Variants in PRP4K observed in about 807,000 individuals in gnomAD.
PRP4K encodes pre-mRNA processing factor kinase PRP4K.
chr6:4,046,518 G>T, the PRP4K span, among the ~76,000 whole-genome samples: 5 of 152,128 alleles, frequency 3.3e-5, no homozygotes, highest in Non-Finnish European at 5.9e-5. Context: ...TAGATCTATA[G>T]TTGAAATATT....
chr6:4,032,384 T>C, the PRP4K span: 1 of 1,613,704 alleles, frequency 6.2e-7, no homozygotes, highest in South Asian at 1.1e-5. Flanking sequence ...GCGATCGAGG[T>C]AAAAAATCCA....
the PRP4K span, chr6:4,061,178 T>G: frequency 6.5e-6 from 1 of 153,138 alleles, no homozygotes; most frequent in South Asian, 2.1e-4. Context: ...CTCTGGTGTT[T>G]TAAGATGTTA....
At chr6:4,060,744 T>A in the PRP4K span, 2 of 837,322 alleles carry the variant, frequency 2.4e-6, no homozygotes, top group Non-Finnish European at 3.7e-6. The surrounding 1 kb of genome is among the most constrained non-coding windows in gnomAD (Gnocchi z 4.7). Flanking sequence ...TATATTTGAA[T>A]TAACACCAAG....
At chr6:4,031,641 C>T in the PRP4K span, 2 of 1,600,766 alleles carry the variant, frequency 1.2e-6, no homozygotes, top group African/African-American at 1.4e-5. Context: ...TAAGCACAGT[C>T]GTCACAAAAA....
the PRP4K span, among the ~76,000 whole-genome samples, chr6:4,054,927 C>G: frequency 1.3e-4 from 20 of 152,336 alleles, no homozygotes; most frequent in Non-Finnish European, 2.6e-4. Flanking sequence ...TTGCCAGTGT[C>G]ACAGAAGAAA....
the PRP4K span, among the ~76,000 whole-genome samples, chr6:4,034,233 C>T: frequency 2.6e-5 from 4 of 152,014 alleles, no homozygotes; most frequent in East Asian, 3.9e-4. Flanking sequence ...AACATTTCTG[C>T]GACAAAACAT....
At chr6:4,040,666 T>C in the PRP4K span, 18 of 1,230,442 alleles carry the variant, frequency 1.5e-5, no homozygotes, top group South Asian at 2.2e-4. Flanking sequence ...TACAGCAAAA[T>C]TGAGTAGAAA....
At chr6:4,037,966 G>T in the PRP4K span, among the ~76,000 whole-genome samples, 1 of 151,520 alleles carries the variant, frequency 6.6e-6, no homozygotes, top group Non-Finnish European at 1.5e-5. Flanking sequence ...GTAGACTTAG[G>T]CAAAGGCCTA....
the PRP4K span, chr6:4,064,097 T>G: frequency 6.6e-6 from 1 of 152,212 alleles, no homozygotes; most frequent in South Asian, 2.1e-4. Flanking sequence ...AGGGGGAGCA[T>G]CTTATATTCA....
the PRP4K span, among the ~76,000 whole-genome samples, chr6:4,025,638 C>T: frequency 6.6e-6 from 1 of 152,202 alleles, no homozygotes; most frequent in Non-Finnish European, 1.5e-5. Flanking sequence ...GACCCTTCTA[C>T]AGTGATACTG....
chr6:4,054,756 G>A, the PRP4K span, among the ~76,000 whole-genome samples: 15 of 151,916 alleles, frequency 9.9e-5, no homozygotes, highest in African/African-American at 2.9e-4. Flanking sequence ...TGCCCGCCTC[G>A]TCCTCCCAAA....
chr6:4,033,217 T>C, the PRP4K span, among the ~76,000 whole-genome samples: 1 of 152,226 alleles, frequency 6.6e-6, no homozygotes, highest in African/African-American at 2.4e-5. Flanking sequence ...ATTTTAACAG[T>C]ATAAATAGAA....
the PRP4K span, chr6:4,063,841 G>A: frequency 2.0e-5 from 3 of 152,024 alleles, no homozygotes; most frequent in African/African-American, 7.2e-5. Context: ...GTAGCTGTAT[G>A]CTTTTCAAAT....
chr6:4,048,809 T>G, the PRP4K span, among the ~76,000 whole-genome samples: 3 of 152,078 alleles, frequency 2.0e-5, no homozygotes, highest in Admixed American at 1.3e-4. Context: ...TTTTTGTTTT[T>G]TTTTTTTAGT....
the PRP4K span, chr6:4,051,911 A>C: frequency 7.6e-7 from 1 of 1,311,758 alleles, no homozygotes; most frequent in Non-Finnish European, 1.0e-6. Flanking sequence ...GTGCTCCTAA[A>C]TTCTGTATAT....
the PRP4K span, among the ~76,000 whole-genome samples, chr6:4,037,896 T>C: frequency 1.1e-4 from 17 of 151,764 alleles, no homozygotes; most frequent in South Asian, 3.3e-3. Flanking sequence ...GATCATGTAG[T>C]AGTAAATATA....
the PRP4K span, chr6:4,050,453 C>T: frequency 2.8e-6 from 1 of 356,254 alleles, no homozygotes; most frequent in African/African-American, 2.0e-5. Flanking sequence ...ACAACTTAAA[C>T]TCCTTCCCTC....
chr6:4,021,752 C>T, the PRP4K span, among the ~76,000 whole-genome samples: 2 of 152,210 alleles, frequency 1.3e-5, no homozygotes, highest in African/African-American at 4.8e-5. Flanking sequence ...GTGGCGGCTG[C>T]CGCGGCAGTG....
chr6:4,032,373 C>T, the PRP4K span: 2 of 1,613,920 alleles, frequency 1.2e-6, no homozygotes. Flanking sequence ...AAGTAGAAGT[C>T]GCGATCGAGG....
Sources: gnomAD v4.1 joint callset for allele counts (sites outside exome capture counted in the v4.1 genomes callset) on GRCh38, gnomAD v4.1.1 for gene constraint, Gnocchi (gnomAD v3.1) non-coding constraint, MANE v1.5 for transcripts, NCBI Gene and HGNC (gene_info 2026-07-23, HGNC 2026-07-21) for gene names.